SLC44A2: variants seen among roughly 807,000 people sequenced by gnomAD.
SLC44A2 encodes solute carrier family 44 member 2 (CTL2 blood group).
In SLC44A2, 57 loss-of-function variants were observed where a neutral mutation model predicts 90.8. That is an observed-to-expected ratio of 0.63 (90% CI 0.51 to 0.78). The LOEUF is 0.78. Ranked by LOEUF, SLC44A2 falls within the 30% of genes least tolerant of loss-of-function variation. SLC44A2 has a pLI of 0.00. For synonymous variants in SLC44A2, 355 were observed against 360.7 expected, an observed-to-expected ratio of 0.98 and a Z score of 0.18; for missense variants, 794 against 919.7, an observed-to-expected ratio of 0.86 and a Z score of 1.77.
intron 1 of SLC44A2, among the ~76,000 whole-genome samples, chr19:10,608,568 A>G (rs1344926687): frequency 6.6e-6 from 1 of 152,030 alleles, no homozygotes; most frequent in Non-Finnish European, 1.5e-5. Context: ...TGAGGAAAAA[A>G]GAACATTTCC....
At chr19:10,618,817 G>T (rs992818967) in intron 1 of SLC44A2, among the ~76,000 whole-genome samples, 1 of 151,708 alleles carries the variant, frequency 6.6e-6, no homozygotes, top group Non-Finnish European at 1.5e-5. Context: ...CAGGCAATCC[G>T]CCTGCTTCAG....
chr19:10,615,625 GA>G (rs1216367508), intron 1 of SLC44A2, among the ~76,000 whole-genome samples: 1 of 151,792 alleles, frequency 6.6e-6, no homozygotes, highest in Non-Finnish European at 1.5e-5. Context: ...GGAAGAGGAA[GA>G]GGAAGGGGAG....
At position 10,625,593 on chromosome 19, in the gene SLC44A2, G is replaced by T; in HGVS notation, c.-41G>T. The T allele has an allele frequency of 8.1e-7, 1 of 1,240,690 alleles. No homozygotes were observed. Among genetic ancestry groups the T allele is most frequent in the East Asian group, 3.2e-5 (1 of 31,684 alleles). The allele number at this position is 1,240,690 out of a possible 1,614,324, so 76.9% of individuals were successfully genotyped here. A position where few individuals can be genotyped will look rare whatever the true frequency, so the allele number is the denominator to read the frequency against. ...ACTCGGGAGGGTCGAGGGGGCGCGG[G>T]AGAGAGCGCGGGCGGCCGCCGGGGC... On this transcript the variant is annotated 5_prime_UTR_variant, in exon 1 of 22. Coordinates refer to ENST00000335757, the MANE Select transcript of SLC44A2 (RefSeq NM_020428.4).
intron 20 of SLC44A2, chr19:10,641,468 T>C (rs2067115707): frequency 1.6e-5 from 7 of 430,920 alleles, no homozygotes; most frequent in South Asian, 1.2e-4. Context: ...ACTTGAGGAC[T>C]TGCTCTTTGA....
intron 4 of SLC44A2, among the ~76,000 whole-genome samples, chr19:10,629,829 C>G (rs2066975112): frequency 6.6e-6 from 1 of 151,778 alleles, no homozygotes; most frequent in Admixed American, 6.6e-5. Context: ...TCTTGGCTCA[C>G]TGCAACCTCC....
chr19:10,603,316 G>A (rs1021755182), intron 1 of SLC44A2, among the ~76,000 whole-genome samples: 4 of 152,066 alleles, frequency 2.6e-5, no homozygotes, highest in Non-Finnish European at 5.9e-5. Context: ...GAATTCCCAC[G>A]GTGGGAGGAG....
chr19:10,602,534 G>T lies in SLC44A2; in HGVS notation c.4G>T (p.Glu2Ter). ...CGCTCCCCGCCCCGCCGCGGCCATG[G>T]AGGACGAGCGGAAAAACGGAGCCTA... Residue 2 changes from glutamate to a stop codon, truncating the protein, a stop_gained, in exon 1 of 22, where the codon GAG becomes TAG. Coordinates refer to the SLC44A2 transcript ENST00000407327. LOFTEE classifies it high-confidence loss of function. 7.8e-7 allele frequency: 1 copy of T among 1,280,084 alleles called. No homozygotes were observed. The highest frequency in any genetic ancestry group is 9.9e-7 in the Non-Finnish European group (1 of 1,007,478). 79.3% of individuals were successfully genotyped at this position (1,280,084 alleles called of 1,614,324 possible). A position where few individuals can be genotyped will look rare whatever the true frequency, so the allele number is the denominator to read the frequency against.
chr19:10,613,218 C>A (rs1251094949), intron 1 of SLC44A2, among the ~76,000 whole-genome samples: 1 of 151,582 alleles, frequency 6.6e-6, no homozygotes, highest in African/African-American at 2.4e-5. Context: ...CCACCACACC[C>A]AGATAATATA....
intron 2 of SLC44A2, among the ~76,000 whole-genome samples, chr19:10,626,753 T>G (rs2066938675): frequency 6.6e-6 from 1 of 151,672 alleles, no homozygotes. Flanking sequence ...TTATATTTAT[T>G]TATTTATTTA....
At chr19:10,612,041 C>CTG (rs1320389414) in intron 1 of SLC44A2, among the ~76,000 whole-genome samples, 2 of 151,864 alleles carry the variant, frequency 1.3e-5, no homozygotes, top group African/African-American at 2.4e-5. Context: ...CTATTAATTT[C>CTG]TGTGTGTGTG....
chr19:10,622,590 G>A (rs143906049), upstream of SLC44A2, among the ~76,000 whole-genome samples: 7 of 151,928 alleles, frequency 4.6e-5, no homozygotes, highest in East Asian at 1.9e-4. Context: ...AGGATGGAGC[G>A]GAGTCATGGG....
In SLC44A2 at chr19:10,631,477, A is replaced by T. The variant is rs981410958; in HGVS notation, c.444A>T (p.Gly148=). The change falls in exon 7 of 22, where the codon GGA becomes GGT. Residue 148 remains glycine, a splice_region_variant and synonymous_variant. Transcript: ENST00000335757. ...FCVPGFKNNK[G]VAEVLQDGDC... is the part of the protein sequence containing the mutation. ...CCTCCCTCCATCTCTCTTGGCAGGGAGTGGCTGAGGTGCTTCAAGATGGTG... is the reference window on the plus strand; with the variant it reads ...CCTCCCTCCATCTCTCTTGGCAGGGTGTGGCTGAGGTGCTTCAAGATGGTG... 3 of 1,613,930 alleles carry T rather than the reference A, an allele frequency of 1.9e-6. No homozygotes were observed. The African/African-American group carries it at 4.0e-5, about 22-fold the overall frequency.
In SLC44A2 at chr19:10,631,750, G is replaced by A. The variant is rs1222372943; in HGVS notation, c.626+1G>A. 1.2e-6 allele frequency: 2 copies of A among 1,613,620 alleles called. No individual in the cohort carries two copies. The highest frequency in any genetic ancestry group is 1.7e-6 in the Non-Finnish European group (2 of 1,180,060). ...TCACAGACCTGGTGGAGGGCGCCAA[G>A]TGAGGATATTGGCGCACCGCGCCAG... On this transcript the variant is annotated splice_donor_variant, in intron 8 of 21. Transcript: ENST00000335757. LOFTEE classifies it high-confidence loss of function.
At chr19:10,604,526 G>C (rs190404185) in intron 1 of SLC44A2, among the ~76,000 whole-genome samples, 6 of 152,274 alleles carry the variant, frequency 3.9e-5, no homozygotes, top group Non-Finnish European at 8.8e-5. Context: ...GTGTGGAAGA[G>C]GGGCTCACTT....
rs754148624 is a variant in SLC44A2 at position 10,634,978 on chromosome 19, C to T, written c.960C>T (p.Ile320=). The change falls in exon 12 of 22, where the codon ATC becomes ATT. Residue 320 remains isoleucine (I), a synonymous_variant. Transcript: ENST00000335757. ...CTCAGCCTTTGCCCTTTGCAGTGAT[C>T]ATTCTGAGTATCCTTGAAGTCATTA... The part of the protein sequence containing the change: ...HLRQTWLAFM[I]ILSILEVIII... The T allele has an allele frequency of 6.2e-7, 1 of 1,614,136 alleles. No individual in the cohort carries two copies. The highest frequency in any genetic ancestry group is 1.1e-5 in the South Asian group (1 of 91,078).
chr19:10,616,771 C>A (rs967979479), intron 1 of SLC44A2, among the ~76,000 whole-genome samples: 3 of 151,936 alleles, frequency 2.0e-5, no homozygotes, highest in African/African-American at 7.2e-5. Context: ...GAGACTGGGT[C>A]TTGCTCTGTT....
intron 8 of SLC44A2, 22 bp from the exon 9 acceptor site, chr19:10,631,846 A>G (rs373628006): frequency 7.1e-5 from 114 of 1,614,092 alleles, no homozygotes; most frequent in African/African-American, 1.1e-4. Context: ...GTCTGACCCG[A>G]GCCTTGTCCT....
At position 10,636,653 on chromosome 19, in the gene SLC44A2, G is replaced by T. The variant is rs1372514641; in HGVS notation, c.1497-9G>T. On this transcript the variant is annotated splice_polypyrimidine_tract_variant and intron_variant, in intron 15 of 21. Coordinates refer to ENST00000335757, the MANE Select transcript of SLC44A2 (RefSeq NM_020428.4). ...TGGCCCAGCCACCGACCACTCCCTC[G>T]GCCCGCAGGTACCACACAGGCTCCC... 1 of 1,612,426 alleles carries T rather than the reference G, an allele frequency of 6.2e-7. No homozygotes were observed. The highest frequency in any genetic ancestry group is 1.3e-5 in the African/African-American group (1 of 75,026).
chr19:10,605,798 A>G (rs1340113023), intron 1 of SLC44A2, among the ~76,000 whole-genome samples: 2 of 152,026 alleles, frequency 1.3e-5, no homozygotes, highest in Non-Finnish European at 2.9e-5. Context: ...GATCGAGGCC[A>G]GCCTGGCCAA....
Sources: gnomAD v4.1 joint callset for allele counts (sites outside exome capture counted in the v4.1 genomes callset) on GRCh38, gnomAD v4.1.1 for gene constraint, MANE v1.5 for transcripts, NCBI Gene and HGNC (gene_info 2026-07-23, HGNC 2026-07-21) for gene names.